The following FGD4 variants were observed in gnomAD, a reference collection of about 807,000 sequenced individuals.
The protein encoded by FGD4 is FYVE, RhoGEF and PH domain containing 4.
Under a neutral mutation model 102.0 loss-of-function variants are expected in FGD4, and 42 were observed. The ratio of observed to expected loss-of-function variants is 0.41; its 90% CI spans 0.32 to 0.53. The LOEUF is 0.53. Among genes scored for constraint, FGD4 ranks in the 20% least tolerant of loss-of-function variants. FGD4 has a pLI of 0.21. For missense variants in FGD4, 902 were observed against 1,078.2 expected (o/e 0.84, Z 2.29); for synonymous variants, 380 against 375.7 (o/e 1.01, Z -0.13).
intron 1 of FGD4, among the ~76,000 whole-genome samples, chr12:32,503,164 CAA>C (rs930005292): frequency 6.6e-6 from 1 of 152,082 alleles, no homozygotes; most frequent in Non-Finnish European, 1.5e-5. Flanking sequence ...TGTGAAAAAA[CAA>C]AAAGAGTGCT....
At chr12:32,640,151 C>A in intron 16 of FGD4, 125 bp from the exon 17 acceptor site, 1 of 1,425,890 alleles carries the variant, frequency 7.0e-7, no homozygotes, top group South Asian at 1.2e-5. Flanking sequence ...CCTCTGTGCC[C>A]ATGGAGAACT....
rs5797478 is a variant in FGD4, at chr12:32,437,108, C to CA, written c.166+37165dup. Among the ~76,000 whole-genome samples, 921 of 107,962 alleles carry CA rather than the reference C, an allele frequency of 8.5e-3. 10 individuals are homozygous for CA. The highest frequency in any genetic ancestry group is 0.02 in the African/African-American group (626 of 31,866). The allele number at this position is 107,962 out of a possible 152,430, so 70.8% of individuals were successfully genotyped here. ...TGGGTGACAGAGTGGGACTCCATGT[C>CA]AAAAAAAAAAAAAAAAGGGAAAAAG... On this transcript the variant is annotated intron_variant, in intron 1 of 16. Transcript: ENST00000534526.
chr12:32,453,210 A>ATTATAT (rs1292536865), intron 1 of FGD4, among the ~76,000 whole-genome samples: 1 of 53,984 alleles, frequency 1.9e-5, no homozygotes, highest in South Asian at 9.1e-4. Flanking sequence ...TTATATATAT[A>ATTATAT]TATATATATA....
chr12:32,632,250 T>G (rs1365995227), intron 14 of FGD4, among the ~76,000 whole-genome samples: 9 of 152,230 alleles, frequency 5.9e-5, no homozygotes, highest in Non-Finnish European at 5.9e-5. Flanking sequence ...CACATTTGCA[T>G]CATATTCATT....
chr12:32,423,544 A>G (rs887116485), intron 1 of FGD4, among the ~76,000 whole-genome samples: 5 of 149,864 alleles, frequency 3.3e-5, no homozygotes, highest in African/African-American at 1.2e-4. Flanking sequence ...GTGAGCCGAG[A>G]TCACGCCACT....
Position 32,564,179 on chromosome 12 carries a change from C to G in FGD4, c.209C>G (p.Ser70Cys). The G allele has an allele frequency of 6.5e-7, 1 of 1,536,112 alleles. No individual in the cohort carries two copies. Among genetic ancestry groups the G allele is most frequent in the East Asian group, 2.4e-5 (1 of 40,910 alleles). ...CPKIALVPPCSTSSTTTLVGE... is the reference protein window; with the variant it reads ...CPKIALVPPCCTSSTTTLVGE... ...AAGATCGCTTTAGTTCCACCTTGCT[C>G]CACAAGCAGCACAACCACACTGGTT... Residue 70 changes from serine (S) to cysteine (C), a missense_variant, in exon 2 of 17, where the codon TCC (serine) becomes TGC (cysteine). Transcript: ENST00000534526.
chr12:32,535,035 T>G (rs1370990134), intron 1 of FGD4, among the ~76,000 whole-genome samples: 3 of 152,224 alleles, frequency 2.0e-5, no homozygotes, highest in African/African-American at 7.2e-5. Context: ...TTTTAAAAAT[T>G]GTTAGTGGTA....
chr12:32,452,626 G>A (rs1017022716), intron 1 of FGD4, among the ~76,000 whole-genome samples: 1 of 152,160 alleles, frequency 6.6e-6, no homozygotes, highest in African/African-American at 2.4e-5. Context: ...CATTCTCCTT[G>A]CTTTGAATTC....
intron 1 of FGD4, among the ~76,000 whole-genome samples, chr12:32,413,414 G>A (rs778489300): frequency 9.2e-5 from 14 of 152,130 alleles, no homozygotes; most frequent in Non-Finnish European, 1.6e-4. Context: ...AATGTGCTGT[G>A]TAAATTATGC....
intron 4 of FGD4, among the ~76,000 whole-genome samples, chr12:32,597,677 CAG>C (rs1948018514): frequency 6.6e-6 from 1 of 151,998 alleles, no homozygotes; most frequent in African/African-American, 2.4e-5. Flanking sequence ...ATGAAACTGG[CAG>C]AGTTATATAA....
chr12:32,494,885 T>C lies in FGD4; in HGVS notation c.167-69252T>C, dbSNP rs115943321. Among the ~76,000 whole-genome samples the C allele has an allele frequency of 4.9e-3, 744 of 152,270 alleles. 8 individuals carry two copies. The highest frequency in any genetic ancestry group is 0.016 in the African/African-American group (674 of 41,528). ...GAGTGAATAAGAGGTGAGAAGTGAC[T>C]AGACCTCCCACCCTTTTGAGAAGCA... On this transcript the variant is annotated intron_variant, in intron 1 of 16. Transcript: ENST00000534526.
At chr12:32,614,458 C>T (rs140426516) in intron 10 of FGD4, among the ~76,000 whole-genome samples, 2 of 152,180 alleles carry the variant, frequency 1.3e-5, no homozygotes, top group Non-Finnish European at 2.9e-5. Flanking sequence ...AGGCAATATG[C>T]CTGCTGACTT....
At chr12:32,573,148 T>A (rs1379368080) in intron 2 of FGD4, among the ~76,000 whole-genome samples, 4 of 152,232 alleles carry the variant, frequency 2.6e-5, no homozygotes, top group Admixed American at 2.0e-4. Flanking sequence ...CAGGCTGGAG[T>A]GCAGTGGCGC....
chr12:32,517,783 G>A (rs1486411718), intron 1 of FGD4, among the ~76,000 whole-genome samples: 1 of 152,100 alleles, frequency 6.6e-6, no homozygotes, highest in Admixed American at 6.6e-5. Context: ...CTATTTGGGA[G>A]GCTAAGGTGG....
chr12:32,523,740 C>T (rs187980493), intron 1 of FGD4, among the ~76,000 whole-genome samples: 6 of 152,106 alleles, frequency 3.9e-5, no homozygotes, highest in East Asian at 1.9e-4. Context: ...TTTGGGAGGC[C>T]GAGGCGGGCA....
intron 1 of FGD4, among the ~76,000 whole-genome samples, chr12:32,502,525 GA>G (rs546991598): frequency 6.6e-6 from 1 of 151,758 alleles, no homozygotes; most frequent in Non-Finnish European, 1.5e-5. Context: ...TTTGGAAAAT[GA>G]AAAAAAATTT....
At chr12:32,402,399 A>G (rs530759549) in intron 1 of FGD4, among the ~76,000 whole-genome samples, 26 of 151,910 alleles carry the variant, frequency 1.7e-4, no homozygotes, top group African/African-American at 6.0e-4. Context: ...CCCTGTCTCA[A>G]AAAGAGAGGG....
At chr12:32,570,240 C>CAAAAAA (rs150913094) in intron 2 of FGD4, among the ~76,000 whole-genome samples, 9 of 67,578 alleles carry the variant, frequency 1.3e-4, no homozygotes, top group Non-Finnish European at 1.4e-4. Context: ...GACGCTGTCT[C>CAAAAAA]AAAAAAAAAA....
At chr12:32,502,060 AT>A in intron 1 of FGD4, 1 of 985,448 alleles carries the variant, frequency 1.0e-6, no homozygotes, top group South Asian at 4.7e-5. Flanking sequence ...AAAGACAGCG[AT>A]TGTTACCCAA....
Sources: gnomAD v4.1 joint callset for allele counts (sites outside exome capture counted in the v4.1 genomes callset) on GRCh38, gnomAD v4.1.1 for gene constraint, MANE v1.5 for transcripts, NCBI Gene and HGNC (gene_info 2026-07-23, HGNC 2026-07-21) for gene names.